SH3PXD2A: variants seen among roughly 807,000 people sequenced by gnomAD.
The protein encoded by SH3PXD2A is SH3 and PX domain-containing protein 2A.
In SH3PXD2A, 32 loss-of-function variants were observed where a neutral mutation model predicts 115.2. That is an observed-to-expected ratio of 0.28 (90% CI 0.21 to 0.37). The LOEUF is 0.37. Among genes scored for constraint, SH3PXD2A ranks in the 10% least tolerant of loss-of-function variants. The probability of loss-of-function intolerance (pLI) is 1.00; values close to 1 mark genes in which losing one functional copy is unlikely to be tolerated. For synonymous variants in SH3PXD2A, 610 were observed against 629.1 expected, an observed-to-expected ratio of 0.97 and a Z score of 0.45; for missense variants, 1,328 against 1,498.7, an observed-to-expected ratio of 0.89 and a Z score of 1.88.
intron 10 of SH3PXD2A, among the ~76,000 whole-genome samples, chr10:103,622,260 T>G (rs2036617826): frequency 6.6e-6 from 1 of 151,758 alleles, no homozygotes; most frequent in South Asian, 2.1e-4. Flanking sequence ...ACCCAGGAGG[T>G]TGACAAAGCC....
chr10:103,843,295 C>T (rs2039617860), intron 1 of SH3PXD2A, among the ~76,000 whole-genome samples: 1 of 152,226 alleles, frequency 6.6e-6, no homozygotes, highest in Non-Finnish European at 1.5e-5. Flanking sequence ...TTGCCCTCAA[C>T]TTCCAACTGC....
Position 103,728,876 on chromosome 10 carries a change from G to GTTTTT in SH3PXD2A, c.307-4520_307-4516dup, listed in dbSNP as rs11399791. Among the ~76,000 whole-genome samples the GTTTTT allele has an allele frequency of 3.4e-4, 49 of 142,692 alleles. 1 individual carries two copies. The highest frequency in any genetic ancestry group is 4.5e-4 in the African/African-American group (17 of 37,818). The allele number at this position is 142,692 out of a possible 152,430, so 93.6% of individuals were successfully genotyped here. A position where few individuals can be genotyped will look rare whatever the true frequency, so the allele number is the denominator to read the frequency against. ...CACAGCTAGTAAGTAGCAAAGAGTT[G>GTTTTT]TTTTTTTTGTTTGTTTGTTTGTTTT... On this transcript the variant is annotated intron_variant, in intron 4 of 14. Transcript: ENST00000369774.
chr10:103,715,139 G>A (rs1474188803), intron 5 of SH3PXD2A, among the ~76,000 whole-genome samples: 1 of 152,212 alleles, frequency 6.6e-6, no homozygotes. Context: ...GGCTAATGGA[G>A]GAAAGGAGAA....
Position 103,784,591 on chromosome 10 carries a change from A to G in SH3PXD2A, c.153+16691T>C, listed in dbSNP as rs1468058334. Among the ~76,000 whole-genome samples the G allele has an allele frequency of 6.6e-6, 1 of 152,228 alleles. No homozygotes were observed. Among genetic ancestry groups the G allele is most frequent in the Non-Finnish European group, 1.5e-5 (1 of 68,038 alleles). On this transcript the variant is annotated intron_variant, in intron 2 of 14. Transcript: ENST00000369774. This position sits in a 1 kb window ranked among gnomAD's most constrained non-coding sequence, Gnocchi z 4.4. ...GGATTGAAAACATTCCTAATTACAA[A>G]TAAACACTGGAGAGAAGCTGCAGCA... is the stretch of plus-strand genomic sequence containing the variant.
At chr10:103,768,333 C>G (rs1162653531) in intron 2 of SH3PXD2A, among the ~76,000 whole-genome samples, 1 of 152,214 alleles carries the variant, frequency 6.6e-6, no homozygotes, top group African/African-American at 2.4e-5. Context: ...GGCCTGACCT[C>G]GAGCTAGCAA....
At chr10:103,639,155 G>A (rs1399625176) in intron 8 of SH3PXD2A, among the ~76,000 whole-genome samples, 2 of 152,164 alleles carry the variant, frequency 1.3e-5, no homozygotes, top group African/African-American at 2.4e-5. Context: ...TGGACATGGC[G>A]GTGGGTGATA....
intron 1 of SH3PXD2A, among the ~76,000 whole-genome samples, chr10:103,832,071 C>T (rs1191829557): frequency 6.6e-6 from 1 of 152,186 alleles, no homozygotes; most frequent in Non-Finnish European, 1.5e-5. Flanking sequence ...TACACTCTCT[C>T]CCCATGCCCC....
rs1358941707 is a variant in SH3PXD2A, at chr10:103,594,299, A to G, written c.*7517T>C. On this transcript the variant is annotated 3_prime_UTR_variant, in exon 15 of 15. Coordinates refer to ENST00000369774, the MANE Select transcript of SH3PXD2A (RefSeq NM_001394015.1). The stretch of plus-strand genomic sequence containing the variant: ...TTAAAAATGCTAGAAACATGGAGAT[A>G]GTTTAGCACCACCATTGATTCTGGA... 6.5e-6 allele frequency: 1 copy of G among 152,696 alleles called. No homozygotes were observed. The highest frequency in any genetic ancestry group is 1.5e-5 in the Non-Finnish European group (1 of 68,048). The allele number at this position is 152,696 out of a possible 1,614,324, so 9.5% of individuals were successfully genotyped here.
intron 8 of SH3PXD2A, among the ~76,000 whole-genome samples, chr10:103,658,142 C>G (rs544540809): frequency 6.3e-4 from 96 of 152,368 alleles, no homozygotes; most frequent in African/African-American, 2.2e-3. Flanking sequence ...GAATCACCTT[C>G]CATGCACATC....
intron 2 of SH3PXD2A, among the ~76,000 whole-genome samples, chr10:103,790,002 G>C (rs1402504957): frequency 1.3e-5 from 2 of 152,166 alleles, no homozygotes; most frequent in Non-Finnish European, 2.9e-5. Context: ...AGCCACCAGC[G>C]ACCTTTCTGG....
At chr10:103,824,401 G>A (rs11191816) in intron 1 of SH3PXD2A, among the ~76,000 whole-genome samples, 34,567 of 152,114 alleles carry the variant, frequency 0.23, 4,148 homozygotes, top group South Asian at 0.32. Flanking sequence ...CCCTTGCCCA[G>A]GCAAGTCCAG....
chr10:103,722,078 G>A (rs1483514233), intron 5 of SH3PXD2A, among the ~76,000 whole-genome samples: 1 of 152,022 alleles, frequency 6.6e-6, no homozygotes, highest in Admixed American at 6.6e-5. Flanking sequence ...TGAGGCGGGT[G>A]GATCCACTTG....
rs35917262 is a variant in SH3PXD2A at position 103,633,727 on chromosome 10, CAAAAAAAA to C, written c.605-6533_605-6526del. On this transcript the variant is annotated intron_variant, in intron 8 of 14. Transcript: ENST00000369774. ...TAGGCGATGGAGCAAGATTCTGTCT[CAAAAAAAA>C]AAAAAAAAAAAAAAAAAAAAGACTC... 8.1e-4 allele frequency among the ~76,000 whole-genome samples: 60 copies of C among 74,354 alleles called. 1 individual carries two copies. Among genetic ancestry groups the C allele is most frequent in the African/African-American group, 2.7e-3 (51 of 19,194 alleles). The allele number at this position is 74,354 out of a possible 152,430, so 48.8% of individuals were successfully genotyped here.
chr10:103,783,848 A>G (rs2038955688), intron 2 of SH3PXD2A, among the ~76,000 whole-genome samples: 1 of 152,266 alleles, frequency 6.6e-6, no homozygotes, highest in African/African-American at 2.4e-5. Flanking sequence ...CAGTGTTGCC[A>G]GGGAAGCCTT....
At chr10:103,661,199 G>C in intron 7 of SH3PXD2A, 85 bp from the exon 8 acceptor site, 9 of 1,496,278 alleles carry the variant, frequency 6.0e-6, no homozygotes, top group Non-Finnish European at 6.3e-6. Flanking sequence ...GGCCTCCTCG[G>C]GGGTGGCTGC....
rs555647621 is a variant in SH3PXD2A, at chr10:103,683,020, C to G, written c.427+10008G>C. Among the ~76,000 whole-genome samples, 351 of 152,180 alleles carry G rather than the reference C, an allele frequency of 2.3e-3. 3 individuals carry two copies. The highest frequency in any genetic ancestry group is 2.1e-3 in the Non-Finnish European group (142 of 68,000). On this transcript the variant is annotated intron_variant, in intron 6 of 14. Transcript: ENST00000369774. ...CCAGACTCATCTCCTGCTCTACCCT[C>G]GCTCCTGCCGGGATGATGGGCCCCT...
chr10:103,826,348 A>G (rs1436581967), intron 1 of SH3PXD2A, among the ~76,000 whole-genome samples: 2 of 152,162 alleles, frequency 1.3e-5, no homozygotes, highest in Non-Finnish European at 2.9e-5. Flanking sequence ...GCCTAAGGTC[A>G]CACAGATATA....
At chr10:103,623,323 C>T (rs1359484259) in intron 9 of SH3PXD2A, among the ~76,000 whole-genome samples, 1 of 152,038 alleles carries the variant, frequency 6.6e-6, no homozygotes, top group Non-Finnish European at 1.5e-5. Flanking sequence ...CAGCATCCTG[C>T]ACTGCTCCTC....
intron 3 of SH3PXD2A, among the ~76,000 whole-genome samples, chr10:103,751,884 G>T (rs996869029): frequency 5.3e-5 from 8 of 152,184 alleles, no homozygotes; most frequent in African/African-American, 1.9e-4. Context: ...CCCTGTCCAG[G>T]CCCTCGTGAT....
Sources: allele counts gnomAD v4.1 joint callset (sites outside exome capture counted in the v4.1 genomes callset), GRCh38; gene constraint gnomAD v4.1.1; non-coding constraint Gnocchi (gnomAD v3.1); transcripts MANE v1.5; gene names NCBI Gene and HGNC (gene_info 2026-07-23, HGNC 2026-07-21).